The following SDK1 variants were observed in gnomAD, a reference collection of about 807,000 sequenced individuals.
SDK1 encodes the protein sidekick cell adhesion molecule 1.
In SDK1, 157 loss-of-function variants were observed where a neutral mutation model predicts 245.5. That is an observed-to-expected ratio of 0.64 (90% CI 0.56 to 0.73). The LOEUF (loss-of-function observed/expected upper bound fraction) is 0.73. Among genes scored for constraint, SDK1 ranks in the 30% least tolerant of loss-of-function variants. The pLI, the probability that SDK1 is intolerant of heterozygous loss-of-function variation, is 0.00. For missense variants in SDK1, 3,583 were observed against 3,002.3 expected (o/e 1.19, Z -4.52); for synonymous variants, 1,647 against 1,278.5 (o/e 1.29, Z -6.15).
rs1780957733 is a variant in SDK1, at chr7:3,787,964, G to A, written c.714-33486G>A. Among the ~76,000 whole-genome samples the A allele has an allele frequency of 2.6e-5, 4 of 152,312 alleles. No homozygotes were observed. In the South Asian group the frequency reaches 8.3e-4, roughly 32 times the overall value. ...AGTCTGAAGAGAAAGGAACTGAATA[G>A]GAGAGTTAGTTTCTTAGAGAGCCCG... On this transcript the variant is annotated intron_variant, in intron 4 of 44. Transcript: ENST00000404826.
chr7:4,127,082 G>C (rs562762448), intron 25 of SDK1, among the ~76,000 whole-genome samples: 151 of 152,240 alleles, frequency 9.9e-4, no homozygotes, highest in African/African-American at 3.4e-3. Flanking sequence ...TCCTATTTGA[G>C]ATAAAAGTCT....
chr7:3,885,638 G>A lies in SDK1; in HGVS notation c.847+64055G>A, dbSNP rs183734763. The stretch of plus-strand genomic sequence containing the variant: ...CGTGTGTCTCTGTTTTCTTTCCTAA[G>A]TTGATAAACGCTGTGGTATCAATTA... On this transcript the variant is annotated intron_variant, in intron 5 of 44. Transcript: ENST00000404826. Among the ~76,000 whole-genome samples the A allele has an allele frequency of 5.2e-3, 791 of 152,202 alleles. 8 individuals carry two copies. Among genetic ancestry groups the A allele is most frequent in the African/African-American group, 0.018 (733 of 41,498 alleles).
chr7:3,891,597 C>G (rs577495066), intron 5 of SDK1, among the ~76,000 whole-genome samples: 1 of 152,192 alleles, frequency 6.6e-6, no homozygotes, highest in Non-Finnish European at 1.5e-5. Flanking sequence ...CGTGCATGTC[C>G]TCCTTTCTCT....
chr7:4,157,849 C>T (rs1035155797), intron 30 of SDK1, among the ~76,000 whole-genome samples: 11 of 152,094 alleles, frequency 7.2e-5, no homozygotes, highest in South Asian at 2.1e-4. Context: ...GGTAGGGGTG[C>T]GGGGCTGGCG....
intron 1 of SDK1, among the ~76,000 whole-genome samples, chr7:3,340,498 C>A (rs1246712125): frequency 1.3e-5 from 2 of 152,124 alleles, no homozygotes; most frequent in African/African-American, 4.8e-5. Flanking sequence ...TATGGTGGCT[C>A]ACGCCTGTAA....
intron 4 of SDK1, among the ~76,000 whole-genome samples, chr7:3,756,084 A>G (rs540066412): frequency 2.0e-5 from 3 of 149,596 alleles, no homozygotes; most frequent in Non-Finnish European, 4.4e-5. Context: ...TTCACATGGC[A>G]TAGCACATGT....
intron 4 of SDK1, among the ~76,000 whole-genome samples, chr7:3,777,474 G>A (rs1780600262): frequency 1.3e-5 from 2 of 152,178 alleles, no homozygotes; most frequent in Admixed American, 1.3e-4. Context: ...ATTTTCTGAT[G>A]GGAATTAGCC....
intron 5 of SDK1, among the ~76,000 whole-genome samples, chr7:3,833,150 G>A (rs767760170): frequency 3.9e-5 from 6 of 152,010 alleles, no homozygotes; most frequent in Non-Finnish European, 5.9e-5. Flanking sequence ...CTGGAAGTGC[G>A]GAACTCTAGA....
At chr7:4,221,450 T>C in intron 40 of SDK1, 86 bp downstream of exon 40, 1 of 1,463,786 alleles carries the variant, frequency 6.8e-7, no homozygotes, top group East Asian at 2.5e-5. Flanking sequence ...CATCACTTTC[T>C]CTTTCAGCAT....
chr7:3,497,834 T>G (rs1264523090), intron 1 of SDK1, among the ~76,000 whole-genome samples: 1 of 152,234 alleles, frequency 6.6e-6, no homozygotes, highest in Non-Finnish European at 1.5e-5. Context: ...TCACACACTG[T>G]AACCCCATCT....
At position 3,351,516 on chromosome 7, in the gene SDK1, A is replaced by G. The variant is rs148192089; in HGVS notation, c.298+49632A>G. Among the ~76,000 whole-genome samples, 72 of 152,314 alleles carry G rather than the reference A, an allele frequency of 4.7e-4. 1 individual carries two copies. Among genetic ancestry groups the G allele is most frequent in the African/African-American group, 1.7e-3 (72 of 41,582 alleles). On this transcript the variant is annotated intron_variant, in intron 1 of 44. Coordinates refer to ENST00000404826, the MANE Select transcript of SDK1 (RefSeq NM_152744.4). ...TCTGCTAAAAGACACGTCAGATTGG[A>G]TTAAAAACATCTGAGATACTAGGTT...
chr7:3,809,061 A>G (rs41880), intron 4 of SDK1, among the ~76,000 whole-genome samples: 151,234 of 152,154 alleles, frequency 0.99, 75,168 homozygotes, highest in Middle Eastern at 1. Context: ...ATAAAGAAAA[A>G]GGGTTGAATT....
At position 4,026,372 on chromosome 7, in the gene SDK1, G is replaced by T. The variant is rs1485462500; in HGVS notation, c.2602+9020G>T. Among the ~76,000 whole-genome samples the T allele has an allele frequency of 1.3e-5, 2 of 152,250 alleles. No individual in the cohort carries two copies. Among genetic ancestry groups the T allele is most frequent in the African/African-American group, 4.8e-5 (2 of 41,484 alleles). ...AAGCTCAGCGTTTGGCATGGGCGAA[G>T]ATATATTTTAGGAATGAAACTGGTA... On this transcript the variant is annotated intron_variant, in intron 17 of 44. Coordinates refer to ENST00000404826, the MANE Select transcript of SDK1 (RefSeq NM_152744.4). This position sits in a 1 kb window ranked among gnomAD's most constrained non-coding sequence, Gnocchi z 4.1.
At chr7:3,655,709 A>G (rs1009157582) in intron 4 of SDK1, among the ~76,000 whole-genome samples, 1 of 151,724 alleles carries the variant, frequency 6.6e-6, no homozygotes, top group Admixed American at 6.6e-5. Context: ...ACAAATAGAT[A>G]AGTGTTTCTT....
intron 1 of SDK1, among the ~76,000 whole-genome samples, chr7:3,497,105 A>G (rs1782048810): frequency 6.6e-6 from 1 of 152,218 alleles, no homozygotes; most frequent in South Asian, 2.1e-4. Context: ...AACAGACAAG[A>G]CAGTGCTTAT....
chr7:3,616,898 G>A (rs1781789082), intron 1 of SDK1, among the ~76,000 whole-genome samples: 3 of 152,158 alleles, frequency 2.0e-5, no homozygotes. Context: ...AAAATTTAAA[G>A]TTGAGTATGA....
At chr7:3,764,489 C>T (rs1780195301) in intron 4 of SDK1, among the ~76,000 whole-genome samples, 1 of 152,010 alleles carries the variant, frequency 6.6e-6, no homozygotes, top group South Asian at 2.1e-4. Flanking sequence ...AGTTCGAGAC[C>T]AGCCTGACCA....
chr7:3,746,555 A>C (rs561978647), intron 4 of SDK1, among the ~76,000 whole-genome samples: 34 of 152,326 alleles, frequency 2.2e-4, no homozygotes, highest in African/African-American at 5.5e-4. Flanking sequence ...ATCAACTAAG[A>C]GTATGTAATG....
At chr7:3,868,840 C>T (rs78426506) in intron 5 of SDK1, among the ~76,000 whole-genome samples, 7,159 of 152,246 alleles carry the variant, frequency 0.047, 537 homozygotes, top group African/African-American at 0.16. Context: ...TCATTTCAGC[C>T]TTCAGAGTGA....
Sources: gnomAD v4.1 joint callset for allele counts (sites outside exome capture counted in the v4.1 genomes callset) on GRCh38, gnomAD v4.1.1 for gene constraint, Gnocchi (gnomAD v3.1) non-coding constraint, MANE v1.5 for transcripts, NCBI Gene and HGNC (gene_info 2026-07-23, HGNC 2026-07-21) for gene names.